PLEKHG3: variants seen among roughly 807,000 people sequenced by gnomAD.
The protein encoded by PLEKHG3 is pleckstrin homology and RhoGEF domain containing G3, also known as pleckstrin homology domain-containing family G member 3.
Under a neutral mutation model 94.9 loss-of-function variants are expected in PLEKHG3, and 62 were observed. That is an observed-to-expected ratio of 0.65 (90% CI 0.53 to 0.81). PLEKHG3 has a LOEUF of 0.81. Ranked by LOEUF, PLEKHG3 falls within the 30% of genes least tolerant of loss-of-function variation. The pLI, the probability that PLEKHG3 is intolerant of heterozygous loss-of-function variation, is 0.00. For missense variants in PLEKHG3, 1,461 were observed against 1,619.3 expected (o/e 0.90, Z 1.68); for synonymous variants, 614 against 654.0 (o/e 0.94, Z 0.93).
Position 64,718,744 on chromosome 14 carries a change from A to G in PLEKHG3, c.-39-8849A>G, listed in dbSNP as rs1454209670. Among the ~76,000 whole-genome samples, 1 of 152,120 alleles carries G rather than the reference A, an allele frequency of 6.6e-6. No individual in the cohort carries two copies. Among genetic ancestry groups the G allele is most frequent in the Non-Finnish European group, 1.5e-5 (1 of 68,014 alleles). ...TTTTGATATTCCTCGTGACTTAGGAATGGGTCCGCACTAGAGCCTTTCCCA... is the reference window on the plus strand; with the variant it reads ...TTTTGATATTCCTCGTGACTTAGGAGTGGGTCCGCACTAGAGCCTTTCCCA... On this transcript the variant is annotated intron_variant, in intron 1 of 16. Coordinates refer to ENST00000247226, the MANE Select transcript of PLEKHG3 (RefSeq NM_001308147.2). The surrounding 1 kb of genome is among the most constrained non-coding windows in gnomAD (Gnocchi z 5.0).
At position 64,718,933 on chromosome 14, in the gene PLEKHG3, C is replaced by T. The variant is rs1267397988; in HGVS notation, c.-39-8660C>T. On this transcript the variant is annotated intron_variant, in intron 1 of 16. Coordinates refer to ENST00000247226, the MANE Select transcript of PLEKHG3 (RefSeq NM_001308147.2). This position sits in a 1 kb window ranked among gnomAD's most constrained non-coding sequence, Gnocchi z 5.0. ...GCTCTTGCTCAGGCCTGCGGTGCCC[C>T]CTGGCCCTGTTTCTCTCCAGCTCCC... is the stretch of plus-strand genomic sequence containing the variant. Among the ~76,000 whole-genome samples the T allele has an allele frequency of 1.3e-5, 2 of 152,168 alleles. No homozygotes were observed. The highest frequency in any genetic ancestry group is 2.9e-5 in the Non-Finnish European group (2 of 68,028).
chr14:64,728,033 C>T lies in PLEKHG3; in HGVS notation c.351+51C>T. The T allele has an allele frequency of 1.7e-6, 2 of 1,189,364 alleles. No individual in the cohort carries two copies. The highest frequency in any genetic ancestry group is 2.3e-6 in the Non-Finnish European group (2 of 863,440). 73.7% of individuals were successfully genotyped at this position (1,189,364 alleles called of 1,614,324 possible). ...AGTATTCTAGCAGAAGCCTGTTTCA[C>T]CCTGGGAGGGAAGCTCTCAAAAGAC... On this transcript the variant is annotated intron_variant, in intron 2 of 16. Coordinates refer to ENST00000247226, the MANE Select transcript of PLEKHG3 (RefSeq NM_001308147.2). This position sits in a 1 kb window ranked among gnomAD's most constrained non-coding sequence, Gnocchi z 5.9.
intron 12 of PLEKHG3, among the ~76,000 whole-genome samples, chr14:64,733,486 C>T (rs1038267141): frequency 4.6e-5 from 7 of 152,130 alleles, no homozygotes; most frequent in Admixed American, 6.5e-5. Flanking sequence ...TTTTTCAAGG[C>T]CCTAGGAATA....
chr14:64,725,183 A>G lies in PLEKHG3; in HGVS notation c.-39-2410A>G, dbSNP rs1217028401. On this transcript the variant is annotated intron_variant, in intron 1 of 16. Coordinates refer to ENST00000247226, the MANE Select transcript of PLEKHG3 (RefSeq NM_001308147.2). This position sits in a 1 kb window ranked among gnomAD's most constrained non-coding sequence, Gnocchi z 5.0. Reference sequence around the variant, plus strand: ...TCCCTTTTAGAGACAAATCTCCCTAATGGTGTGTGTGTTGGGGTAGGGGTG... The same window carrying G: ...TCCCTTTTAGAGACAAATCTCCCTAGTGGTGTGTGTGTTGGGGTAGGGGTG... Among the ~76,000 whole-genome samples, 1 of 152,106 alleles carries G rather than the reference A, an allele frequency of 6.6e-6. No homozygotes were observed. The highest frequency in any genetic ancestry group is 1.5e-5 in the Non-Finnish European group (1 of 68,016).
At chr14:64,714,839 C>T (rs538679153) in intron 1 of PLEKHG3, among the ~76,000 whole-genome samples, 1 of 152,314 alleles carries the variant, frequency 6.6e-6, no homozygotes, top group South Asian at 2.1e-4. Context: ...CTTCCACCTT[C>T]TGGCATGTTT....
Position 64,709,729 on chromosome 14 carries a change from CTGTGTG to C in PLEKHG3, c.-40+5057_-40+5062del, listed in dbSNP as rs3063746. ...ATCCTTTACTTCCTAGGCTGTGAGA[CTGTGTG>C]TGTGTGTGTGTGTGTGTGTGTGTGT... On this transcript the variant is annotated intron_variant, in intron 1 of 16. Coordinates refer to ENST00000247226, the MANE Select transcript of PLEKHG3 (RefSeq NM_001308147.2). Among the ~76,000 whole-genome samples the C allele has an allele frequency of 2.6e-3, 373 of 144,082 alleles. 1 individual carries two copies. The highest frequency in any genetic ancestry group is 8.6e-3 in the African/African-American group (335 of 39,118). 94.5% of individuals were successfully genotyped at this position (144,082 alleles called of 152,430 possible). A position where few individuals can be genotyped will look rare whatever the true frequency, so the allele number is the denominator to read the frequency against.
rs951870516 is a variant in PLEKHG3 at position 64,728,289 on chromosome 14, C to G, written c.351+307C>G. 7.9e-5 allele frequency among the ~76,000 whole-genome samples: 12 copies of G among 152,206 alleles called. No individual in the cohort carries two copies. The highest frequency in any genetic ancestry group is 2.9e-4 in the African/African-American group (12 of 41,460). On this transcript the variant is annotated intron_variant, in intron 2 of 16. Transcript: ENST00000247226. This position sits in a 1 kb window ranked among gnomAD's most constrained non-coding sequence, Gnocchi z 5.9. ...GTGAAGACATGGGCTCTGGGCCTGG[C>G]CCCATGCATCCCCTGCCCTGTTGTT...
In PLEKHG3 at chr14:64,732,942, A is replaced by G. The variant is rs950989714; in HGVS notation, c.1345+41A>G. On this transcript the variant is annotated intron_variant, in intron 12 of 16. Transcript: ENST00000247226. This position sits in a 1 kb window ranked among gnomAD's most constrained non-coding sequence, Gnocchi z 4.9. ...TGGAGGCAGGAGGCCTCTCCCTCACACCCTTGCCCAGACTGGGGACCGTCT... is the reference window on the plus strand; with the variant it reads ...TGGAGGCAGGAGGCCTCTCCCTCACGCCCTTGCCCAGACTGGGGACCGTCT... The G allele has an allele frequency of 7.8e-7, 1 of 1,275,744 alleles. No individual in the cohort carries two copies. The highest frequency in any genetic ancestry group is 1.1e-6 in the Non-Finnish European group (1 of 890,578). 79.0% of individuals were successfully genotyped at this position (1,275,744 alleles called of 1,614,324 possible).
rs777312675 is a variant in PLEKHG3, at chr14:64,730,853, T to C, written c.621T>C (p.Phe207=). 1.2e-6 allele frequency: 2 copies of C among 1,613,412 alleles called. No homozygotes were observed. The highest frequency in any genetic ancestry group is 1.7e-5 in the Admixed American group (1 of 60,026). ...GGGACAAGCAGCAGGCCAAGTTCTT[T>C]CGGGACCGGCAGGAGCTGCTACAGC... is the stretch of plus-strand genomic sequence containing the variant. ...CMRDKQQAKF[F]RDRQELLQHS... Residue 207 remains phenylalanine (F), a synonymous_variant, in exon 6 of 17, where the codon TTT becomes TTC. Transcript: ENST00000247226. This position sits in a 1 kb window ranked among gnomAD's most constrained non-coding sequence, Gnocchi z 5.4.
chr14:64,709,359 T>C (rs565828369), intron 1 of PLEKHG3, among the ~76,000 whole-genome samples: 1 of 152,274 alleles, frequency 6.6e-6, no homozygotes, highest in Admixed American at 6.5e-5. Context: ...ATGCAAGCAC[T>C]AGGGAGAAGA....
chr14:64,714,881 T>C (rs1456645177), intron 1 of PLEKHG3, among the ~76,000 whole-genome samples: 1 of 152,014 alleles, frequency 6.6e-6, no homozygotes, highest in Non-Finnish European at 1.5e-5. Flanking sequence ...AAGTAGGGAT[T>C]TGAGTGCCAG....
Position 64,724,248 on chromosome 14 carries a change from A to G in PLEKHG3, c.-39-3345A>G, listed in dbSNP as rs536801262. On this transcript the variant is annotated intron_variant, in intron 1 of 16. Coordinates refer to ENST00000247226, the MANE Select transcript of PLEKHG3 (RefSeq NM_001308147.2). Reference sequence around the variant, plus strand: ...GCTGAGTGCAGTGCACTCAGAATGCACTCTGAGAGCGATGCCTCTTATCCG... The same window carrying G: ...GCTGAGTGCAGTGCACTCAGAATGCGCTCTGAGAGCGATGCCTCTTATCCG... Among the ~76,000 whole-genome samples, 13 of 151,684 alleles carry G rather than the reference A, an allele frequency of 8.6e-5. No individual in the cohort carries two copies. In the South Asian group the frequency reaches 1.0e-3, roughly 12 times the overall value.
rs2081481996 is a variant in PLEKHG3, at chr14:64,732,235, A to G, written c.1212+54A>G. ...CAAGGAGAATGTGCTCCTCTGAGCC[A>G]GCTCTGCAAGGTCCATTGGGGGCTC... On this transcript the variant is annotated intron_variant, in intron 10 of 16. Transcript: ENST00000247226. The surrounding 1 kb of genome is among the most constrained non-coding windows in gnomAD (Gnocchi z 4.9). The G allele has an allele frequency of 6.7e-7, 1 of 1,503,668 alleles. No homozygotes were observed. The highest frequency in any genetic ancestry group is 9.3e-7 in the Non-Finnish European group (1 of 1,079,646). 93.1% of individuals were successfully genotyped at this position (1,503,668 alleles called of 1,614,324 possible).
Position 64,716,990 on chromosome 14 carries a change from C to T in PLEKHG3, c.-39-10603C>T, listed in dbSNP as rs891420365. Among the ~76,000 whole-genome samples the T allele has an allele frequency of 4.0e-5, 6 of 151,898 alleles. No homozygotes were observed. Among genetic ancestry groups the T allele is most frequent in the Admixed American group, 6.6e-5 (1 of 15,258 alleles). On this transcript the variant is annotated intron_variant, in intron 1 of 16. Transcript: ENST00000247226. The surrounding 1 kb of genome is among the most constrained non-coding windows in gnomAD (Gnocchi z 5.0). ...TGGTGAGGCCCCTTAGTAGGGGAAG[C>T]GGGGAACATGGGGGATGGGGGAAGG... is the stretch of plus-strand genomic sequence containing the variant.
At position 64,731,080 on chromosome 14, in the gene PLEKHG3, G is replaced by A. The variant is rs753254426; in HGVS notation, c.760G>A (p.Val254Met). The change falls in exon 7 of 17, where the codon GTG (valine) becomes ATG (methionine). Residue 254 changes from valine to methionine, a missense_variant. Coordinates refer to ENST00000247226, the MANE Select transcript of PLEKHG3 (RefSeq NM_001308147.2). The surrounding 1 kb of genome is among the most constrained non-coding windows in gnomAD (Gnocchi z 6.1). Reference sequence around the variant, plus strand: ...TGATGAAGAAGAGGATGGCTTTGAGGTGGTGGAGGATGCCATTGACACCAT... The same window carrying A: ...TGATGAAGAAGAGGATGGCTTTGAGATGGTGGAGGATGCCATTGACACCAT... The part of the protein sequence containing the change: ...HFDEEEDGFE[V>M]VEDAIDTMTC... 3 of 1,613,914 alleles carry A rather than the reference G, an allele frequency of 1.9e-6. No homozygotes were observed. Among genetic ancestry groups the A allele is most frequent in the Non-Finnish European group, 2.5e-6 (3 of 1,179,798 alleles).
In PLEKHG3 at chr14:64,732,167, A is replaced by G. The variant is rs755566922; in HGVS notation, c.1198A>G (p.Thr400Ala). ...GCTCATCCTAGAGAACCACCATGCC[A>G]CCATTCCCCAGAAGGTGAGTTCCCC... ...KRLILENHHA[T>A]IPQKAKEAIL... The change falls in exon 10 of 17, where the codon ACC becomes GCC. Residue 400 changes from threonine to alanine, a missense_variant. Around this residue, in one of 3 missense-constraint regions of PLEKHG3, gnomAD observed 1,201 missense variants for 1,295.5 expected, o/e 0.93. Coordinates refer to ENST00000247226, the MANE Select transcript of PLEKHG3 (RefSeq NM_001308147.2). The surrounding 1 kb of genome is among the most constrained non-coding windows in gnomAD (Gnocchi z 4.9). 6.2e-7 allele frequency: 1 copy of G among 1,613,600 alleles called. No homozygotes were observed. Among genetic ancestry groups the G allele is most frequent in the South Asian group, 1.1e-5 (1 of 91,064 alleles).
intron 12 of PLEKHG3, among the ~76,000 whole-genome samples, chr14:64,735,081 G>A (rs1594700513): frequency 6.6e-6 from 1 of 152,118 alleles, no homozygotes; most frequent in East Asian, 1.9e-4. Flanking sequence ...TAAAACAGAA[G>A]GTGCTGGCCA....
chr14:64,714,830 T>G (rs2081112933), intron 1 of PLEKHG3, among the ~76,000 whole-genome samples: 1 of 152,118 alleles, frequency 6.6e-6, no homozygotes, highest in Non-Finnish European at 1.5e-5. Context: ...TGCTGTGTGC[T>G]TCCACCTTCT....
At position 64,749,308 on chromosome 14, in the gene PLEKHG3, ACTT is replaced by A. The variant is rs747325010; in HGVS notation, c.*5609_*5611del. ...GCCGCGCCCGCCAGCCCCACCTGCT[ACTT>A]CTTTTTGGGGAAGAAGCTGAATCTC... On this transcript the variant is annotated 3_prime_UTR_variant, in exon 17 of 17. Transcript: ENST00000247226. The surrounding 1 kb of genome is among the most constrained non-coding windows in gnomAD (Gnocchi z 4.7). 2.4e-5 allele frequency: 39 copies of A among 1,600,482 alleles called. No individual in the cohort carries two copies. The highest frequency in any genetic ancestry group is 1.1e-4 in the South Asian group (10 of 89,662).
Sources: gnomAD v4.1 joint callset for allele counts (sites outside exome capture counted in the v4.1 genomes callset) on GRCh38, gnomAD v4.1.1 for gene constraint, gnomAD v4.1.1 regional missense constraint, Gnocchi (gnomAD v3.1) non-coding constraint, MANE v1.5 for transcripts, NCBI Gene and HGNC (gene_info 2026-07-23, HGNC 2026-07-21) for gene names.